Variants in RPTOR observed in about 807,000 individuals in gnomAD.
RPTOR encodes the protein regulatory-associated protein of mTOR.
Under a neutral mutation model 169.9 loss-of-function variants are expected in RPTOR, and 21 were observed. The ratio of observed to expected loss-of-function variants is 0.12; its 90% confidence interval spans 0.09 to 0.18. The LOEUF is 0.18. Among genes scored for constraint, RPTOR ranks in the 10% least tolerant of loss-of-function variants. RPTOR has a pLI of 1.00. For missense variants in RPTOR, 1,133 were observed against 1,855.9 expected, an observed-to-expected ratio of 0.61 and a Z score of 7.16; for synonymous variants, 732 against 753.2, an observed-to-expected ratio of 0.97 and a Z score of 0.46.
Position 80,965,046 on chromosome 17 carries a change from C to T in RPTOR, c.*716C>T, listed in dbSNP as rs777730571. The stretch of plus-strand genomic sequence containing the variant: ...GACTCCAGTTTTGGCCCCTCTCACA[C>T]AGAGCTGTCAGCAGGGGCCGCTGTG... On this transcript the variant is annotated 3_prime_UTR_variant, in exon 34 of 34. Transcript: ENST00000306801. 1.9e-4 allele frequency: 45 copies of T among 233,274 alleles called. No homozygotes were observed. Among genetic ancestry groups the T allele is most frequent in the Admixed American group, 1.1e-4 (2 of 17,788 alleles). The allele number at this position is 233,274 out of a possible 1,614,324, so 14.5% of individuals were successfully genotyped here. A position where few individuals can be genotyped will look rare whatever the true frequency, so the allele number is the denominator to read the frequency against.
chr17:80,665,960 T>G (rs11653272), intron 3 of RPTOR, among the ~76,000 whole-genome samples: 39,832 of 152,068 alleles, frequency 0.26, 5,552 homozygotes, highest in Middle Eastern at 0.33. Flanking sequence ...TGAGTATCTC[T>G]CCCTCCCATC....
At chr17:80,606,037 C>A (rs188247780) in intron 1 of RPTOR, among the ~76,000 whole-genome samples, 1 of 152,146 alleles carries the variant, frequency 6.6e-6, no homozygotes, top group Admixed American at 6.5e-5. Flanking sequence ...TTTGAGATGG[C>A]GTCTCGCTCT....
chr17:80,938,989 T>C (rs1265291182), intron 24 of RPTOR, among the ~76,000 whole-genome samples: 1 of 152,250 alleles, frequency 6.6e-6, no homozygotes, highest in Non-Finnish European at 1.5e-5. Flanking sequence ...AACACGGCCA[T>C]GCGCCATAGT....
At chr17:80,888,541 G>A (rs527671560) in intron 17 of RPTOR, among the ~76,000 whole-genome samples, 105 of 152,358 alleles carry the variant, frequency 6.9e-4, no homozygotes, top group African/African-American at 2.2e-3. Flanking sequence ...GGGTAGAGGC[G>A]AGGTGGGCCA....
rs986666915 is a variant in RPTOR, at chr17:80,583,302, T to C, written c.162+37511T>C. On this transcript the variant is annotated intron_variant, in intron 1 of 33. Coordinates refer to ENST00000306801, the MANE Select transcript of RPTOR (RefSeq NM_020761.3). The stretch of plus-strand genomic sequence containing the variant: ...TTCCTTGGTTCAAGTGATTCTCCCC[T>C]GCCTCAGCCTCCTGAGTAGCTGGGA... Among the ~76,000 whole-genome samples the C allele has an allele frequency of 3.4e-5, 5 of 147,658 alleles. No individual in the cohort carries two copies. In the Admixed American group the frequency reaches 3.4e-4, roughly 10 times the overall value.
chr17:80,914,130 G>C (rs1181910733), intron 21 of RPTOR, among the ~76,000 whole-genome samples: 1 of 152,252 alleles, frequency 6.6e-6, no homozygotes, highest in Admixed American at 6.5e-5. Context: ...GATGGCAGTG[G>C]CAGCCAGTCT....
intron 5 of RPTOR, among the ~76,000 whole-genome samples, chr17:80,741,795 C>T (rs2066484298): frequency 4.6e-5 from 7 of 152,098 alleles, no homozygotes. Flanking sequence ...CCATGTGGTT[C>T]GTGTGGCTGG....
intron 1 of RPTOR, among the ~76,000 whole-genome samples, chr17:80,574,827 ATTTTTT>A (rs555426915): frequency 8.2e-6 from 1 of 121,432 alleles, no homozygotes; most frequent in Non-Finnish European, 1.6e-5. Context: ...AGCTTATTTA[ATTTTTT>A]TTTTTTTTTT....
At chr17:80,700,291 G>C (rs941532237) in intron 3 of RPTOR, among the ~76,000 whole-genome samples, 8 of 152,210 alleles carry the variant, frequency 5.3e-5, no homozygotes, top group African/African-American at 1.9e-4. Context: ...AGGACCTATT[G>C]AGTTTTGGAG....
At chr17:80,665,273 C>T (rs746388199) in intron 3 of RPTOR, among the ~76,000 whole-genome samples, 5 of 151,524 alleles carry the variant, frequency 3.3e-5, no homozygotes, top group South Asian at 2.1e-4. Context: ...TCATTACCGG[C>T]GTGCATCCTA....
chr17:80,759,528 C>G (rs1438219504), intron 6 of RPTOR, among the ~76,000 whole-genome samples: 1 of 152,156 alleles, frequency 6.6e-6, no homozygotes, highest in East Asian at 1.9e-4. Context: ...TTACAATAAA[C>G]TGCTTTCTCC....
At chr17:80,906,495 C>T (rs1448541486) in intron 20 of RPTOR, among the ~76,000 whole-genome samples, 2 of 152,238 alleles carry the variant, frequency 1.3e-5, no homozygotes, top group East Asian at 3.8e-4. Flanking sequence ...TCCAGGTGTG[C>T]TTGGGCCCTA....
At chr17:80,705,169 C>T (rs2066133176) in intron 3 of RPTOR, among the ~76,000 whole-genome samples, 1 of 152,282 alleles carries the variant, frequency 6.6e-6, no homozygotes, top group Non-Finnish European at 1.5e-5. Context: ...CGTGTCAACG[C>T]ACATCCTTCA....
intron 9 of RPTOR, among the ~76,000 whole-genome samples, chr17:80,831,836 ACTGTGTATCC>A (rs1295394876): frequency 1.3e-5 from 1 of 76,266 alleles, no homozygotes; most frequent in African/African-American, 6.2e-5. Flanking sequence ...CCTGTGTGTC[ACTGTGTATCC>A]CTGTGTGTGC....
chr17:80,778,118 A>G (rs949557970), intron 6 of RPTOR, among the ~76,000 whole-genome samples: 1 of 152,230 alleles, frequency 6.6e-6, no homozygotes, highest in African/African-American at 2.4e-5. Flanking sequence ...ACTGTTTTTC[A>G]TGGATTAATC....
chr17:80,700,628 GCGGCGATGA>G (rs1567864470), intron 3 of RPTOR, among the ~76,000 whole-genome samples: 6 of 15,746 alleles, frequency 3.8e-4, no homozygotes, highest in Admixed American at 9.8e-4. Flanking sequence ...GGTGGTGGTG[GCGGCGATGA>G]TGGTGGTGGT....
At position 80,895,689 on chromosome 17, in the gene RPTOR, G is replaced by A. The variant is rs543830155; in HGVS notation, c.2401+1824G>A. Among the ~76,000 whole-genome samples, 9 of 152,346 alleles carry A rather than the reference G, an allele frequency of 5.9e-5. 2 individuals are homozygous for A. The highest frequency in any genetic ancestry group is 2.2e-4 in the African/African-American group (9 of 41,586). The stretch of plus-strand genomic sequence containing the variant: ...GCCTGCACCTTCAGCTTTTGTAGAT[G>A]TCGCCCCAGGCCTTCCACGGGATCC... On this transcript the variant is annotated intron_variant, in intron 20 of 33. Coordinates refer to ENST00000306801, the MANE Select transcript of RPTOR (RefSeq NM_020761.3).
At chr17:80,670,274 T>C (rs539323721) in intron 3 of RPTOR, among the ~76,000 whole-genome samples, 2 of 152,314 alleles carry the variant, frequency 1.3e-5, no homozygotes, top group East Asian at 3.9e-4. Flanking sequence ...CACCATCCAC[T>C]TAGTCACCAG....
In RPTOR at chr17:80,964,194, C is replaced by T. The variant is rs951158695; in HGVS notation, c.3940-68C>T. On this transcript the variant is annotated intron_variant, in intron 33 of 33. Coordinates refer to ENST00000306801, the MANE Select transcript of RPTOR (RefSeq NM_020761.3). ...CTGCCTAAGGATGCGGGTTGGCCTG[C>T]GCCCCCCCGCCCCCCGCAGTGTCTG... The T allele has an allele frequency of 4.4e-5, 49 of 1,106,344 alleles. No homozygotes were observed. In the African/African-American group the frequency reaches 5.3e-4, roughly 12 times the overall value. The allele number at this position is 1,106,344 out of a possible 1,614,324, so 68.5% of individuals were successfully genotyped here.
Sources: allele counts gnomAD v4.1 joint callset (sites outside exome capture counted in the v4.1 genomes callset), GRCh38; gene constraint gnomAD v4.1.1; transcripts MANE v1.5; gene names NCBI Gene and HGNC (gene_info 2026-07-23, HGNC 2026-07-21).